The following RUBCNL variants were observed in gnomAD, a reference collection of about 807,000 sequenced individuals.
The protein encoded by RUBCNL is protein associated with UVRAG as autophagy enhancer.
RUBCNL carries 62 observed loss-of-function variants against 69.5 expected under a neutral mutation model. The observed-to-expected ratio is 0.89, with a 90% CI of 0.73 to 1.10. The LOEUF (loss-of-function observed/expected upper bound fraction) is 1.10, where lower values mean the gene tolerates loss of function less well. RUBCNL is among the 50% of genes least tolerant of loss of function. The pLI is 0.00. For synonymous variants in RUBCNL, 291 were observed against 303.6 expected, an observed-to-expected ratio of 0.96 and a Z score of 0.43; for missense variants, 768 against 798.1, an observed-to-expected ratio of 0.96 and a Z score of 0.45.
chr13:46,363,930 T>G (rs999948401), intron 5 of RUBCNL, among the ~76,000 whole-genome samples: 99 of 149,744 alleles, frequency 6.6e-4, no homozygotes, highest in African/African-American at 2.2e-3. Context: ...GTATTAATAC[T>G]ATTAATAATA....
chr13:46,348,665 G>A (rs1566064709), intron 12 of RUBCNL, among the ~76,000 whole-genome samples: 1 of 150,754 alleles, frequency 6.6e-6, no homozygotes, highest in Non-Finnish European at 1.5e-5. Context: ...GTTCAGTGGT[G>A]CGATCTTGAT....
At chr13:46,376,543 A>G (rs2048998969) in intron 2 of RUBCNL, among the ~76,000 whole-genome samples, 1 of 152,130 alleles carries the variant, frequency 6.6e-6, no homozygotes, top group Non-Finnish European at 1.5e-5. Flanking sequence ...CACCTTGTGC[A>G]CCAATTTCTC....
Position 46,372,460 on chromosome 13 carries a change from T to C in RUBCNL, c.16A>G (p.Thr6Ala), listed in dbSNP as rs2138806236. The change falls in exon 3 of 15, where the codon ACA becomes GCA. Residue 6 changes from threonine (T) to alanine (A), a missense_variant. Coordinates refer to ENST00000429979, the MANE Select transcript of RUBCNL (RefSeq NM_025113.5). The part of the protein sequence containing the change: MVSQS[T>A]VRQDSPVEPW... ...TCCACAGGAGAATCCTGCCTGACTG[T>C]AGATTGTGACACCATCTTTCCAGGC... 1 of 1,605,916 alleles carries C rather than the reference T, an allele frequency of 6.2e-7. No homozygotes were observed. Among genetic ancestry groups the C allele is most frequent in the African/African-American group, 1.3e-5 (1 of 74,926 alleles).
chr13:46,348,738 G>C (rs2048304738), intron 12 of RUBCNL, among the ~76,000 whole-genome samples: 1 of 151,914 alleles, frequency 6.6e-6, no homozygotes, highest in Non-Finnish European at 1.5e-5. Context: ...CAAGTAGCTG[G>C]GACTACAGGC....
intron 1 of RUBCNL, among the ~76,000 whole-genome samples, chr13:46,386,261 C>T (rs926219054): frequency 2.0e-5 from 3 of 152,080 alleles, no homozygotes; most frequent in African/African-American, 4.8e-5. Context: ...CTTGACTTGC[C>T]AAGATCTCCC....
intron 1 of RUBCNL, 100 bp downstream of exon 1, chr13:46,387,034 T>C (rs1231042176): frequency 6.4e-6 from 6 of 941,646 alleles, no homozygotes; most frequent in Admixed American, 6.2e-5. Flanking sequence ...TGGCGCCACT[T>C]CCACCATCCA....
intron 7 of RUBCNL, among the ~76,000 whole-genome samples, chr13:46,362,211 T>A (rs1166537871): frequency 6.6e-6 from 1 of 152,096 alleles, no homozygotes; most frequent in Non-Finnish European, 1.5e-5. Flanking sequence ...CACTCTACCC[T>A]GGGTGACAAG....
intron 4 of RUBCNL, 121 bp downstream of exon 4, chr13:46,368,612 A>G (rs2048811962): frequency 7.7e-7 from 1 of 1,305,086 alleles, no homozygotes; most frequent in African/African-American, 1.5e-5. Flanking sequence ...CCATCAATCA[A>G]ATGCTGAAAG....
At position 46,363,105 on chromosome 13, in the gene RUBCNL, C is replaced by G. The variant is rs1182400883; in HGVS notation, c.925+10G>C. 1 of 1,577,176 alleles carries G rather than the reference C, an allele frequency of 6.3e-7. No individual in the cohort carries two copies. Among genetic ancestry groups the G allele is most frequent in the Admixed American group, 1.8e-5 (1 of 57,106 alleles). On this transcript the variant is annotated intron_variant, in intron 6 of 14. Transcript: ENST00000429979. ...CAGCCAGTCACATCCAAACAGTTTC[C>G]AAATCTTACCTAAAATAACAAATTC...
chr13:46,369,214 C>T (rs547138982), intron 3 of RUBCNL, among the ~76,000 whole-genome samples: 1 of 152,258 alleles, frequency 6.6e-6, no homozygotes, highest in Admixed American at 6.5e-5. Flanking sequence ...TCTTAAACTT[C>T]CTTTCTTCTT....
chr13:46,356,139 A>G (rs2048478992), intron 10 of RUBCNL, among the ~76,000 whole-genome samples: 1 of 152,148 alleles, frequency 6.6e-6, no homozygotes, highest in Non-Finnish European at 1.5e-5. Flanking sequence ...ACAAACGCAA[A>G]TATGTCAGAA....
At chr13:46,370,200 C>T (rs935930941) in intron 3 of RUBCNL, among the ~76,000 whole-genome samples, 1 of 152,170 alleles carries the variant, frequency 6.6e-6, no homozygotes, top group African/African-American at 2.4e-5. Context: ...TCAAAACGCT[C>T]TCAGCCCTTA....
chr13:46,344,396 G>A (rs577388647), intron 14 of RUBCNL, among the ~76,000 whole-genome samples: 7 of 152,288 alleles, frequency 4.6e-5, no homozygotes, highest in Admixed American at 2.0e-4. Flanking sequence ...CTCTGCCTCC[G>A]TGGCACAAAA....
intron 1 of RUBCNL, among the ~76,000 whole-genome samples, chr13:46,378,884 G>A (rs2049057455): frequency 6.6e-6 from 1 of 152,126 alleles, no homozygotes; most frequent in Admixed American, 6.6e-5. Context: ...TACACAACTG[G>A]GGGCATCAGA....
intron 10 of RUBCNL, among the ~76,000 whole-genome samples, chr13:46,352,338 C>T (rs937954400): frequency 2.0e-5 from 3 of 152,206 alleles, no homozygotes; most frequent in African/African-American, 7.2e-5. Flanking sequence ...TGATATTTAT[C>T]ATTCATAGTT....
rs190853881 is a variant in RUBCNL, at chr13:46,336,179, C to A, written c.*7206G>T. Among the ~76,000 whole-genome samples the A allele has an allele frequency of 1.3e-3, 196 of 152,232 alleles. No homozygotes were observed. Among genetic ancestry groups the A allele is most frequent in the African/African-American group, 4.6e-3 (191 of 41,544 alleles). ...GGTCTATCTGACAGCCGGCCCTGTTCTTTTTGGTTCACGTGGTCTTTAGTA... is the reference window on the plus strand; with the variant it reads ...GGTCTATCTGACAGCCGGCCCTGTTATTTTTGGTTCACGTGGTCTTTAGTA... On this transcript the variant is annotated 3_prime_UTR_variant, in exon 15 of 15. Transcript: ENST00000429979.
In RUBCNL at chr13:46,361,518, GGTA is replaced by G; in HGVS notation, c.1039_1041del (p.Tyr347del). The stretch of plus-strand genomic sequence containing the variant: ...AGTATCCAGCACTTCTGGAACACGC[GGTA>G]CAGCTCTTTGGCTAATAGTTCTGCA... On this transcript the variant is annotated inframe_deletion, in exon 8 of 15. Coordinates refer to ENST00000429979, the MANE Select transcript of RUBCNL (RefSeq NM_025113.5). 6.2e-7 allele frequency: 1 copy of G among 1,612,818 alleles called. No homozygotes were observed.
At chr13:46,370,158 C>T (rs1402081352) in intron 3 of RUBCNL, among the ~76,000 whole-genome samples, 1 of 152,188 alleles carries the variant, frequency 6.6e-6, no homozygotes, top group Non-Finnish European at 1.5e-5. Context: ...GATTCCAGTT[C>T]CAGCTGTCCG....
At chr13:46,368,546 A>G in intron 4 of RUBCNL, 187 bp downstream of exon 4, 1 of 963,318 alleles carries the variant, frequency 1.0e-6, no homozygotes. Flanking sequence ...AAAACTTTCC[A>G]GCTGAGCACA....
Sources: allele counts gnomAD v4.1 joint callset (sites outside exome capture counted in the v4.1 genomes callset), GRCh38; gene constraint gnomAD v4.1.1; transcripts MANE v1.5; gene names NCBI Gene and HGNC (gene_info 2026-07-23, HGNC 2026-07-21).